Variants in IQCM observed in about 807,000 individuals in gnomAD.
IQCM encodes IQ domain-containing protein M.
Under a neutral mutation model 57.6 loss-of-function variants are expected in IQCM, and 45 were observed. The observed-to-expected ratio is 0.78, with a 90% CI of 0.62 to 1.00. The LOEUF is 1.00. Ranked by LOEUF, IQCM falls within the 50% of genes least tolerant of loss-of-function variation. The pLI is 0.00. For missense variants in IQCM, 468 were observed against 511.6 expected (o/e 0.91, Z 0.82); for synonymous variants, 148 against 158.9 (o/e 0.93, Z 0.51).
intron 9 of IQCM, among the ~76,000 whole-genome samples, chr4:149,581,591 C>T (rs1019711859): frequency 4.6e-5 from 7 of 151,296 alleles, no homozygotes; most frequent in East Asian, 2.0e-4. Context: ...TTTCAGAACT[C>T]GAATCAGTAT....
intron 5 of IQCM, among the ~76,000 whole-genome samples, chr4:149,698,720 T>A (rs1484845247): frequency 1.3e-5 from 2 of 152,086 alleles, no homozygotes; most frequent in South Asian, 2.1e-4. Context: ...TTTCAGGAAT[T>A]TAAATATTAT....
At chr4:149,390,296 T>G (rs1210584789) in intron 13 of IQCM, among the ~76,000 whole-genome samples, 3 of 152,054 alleles carry the variant, frequency 2.0e-5, no homozygotes, top group Non-Finnish European at 4.4e-5. Flanking sequence ...TGGATTTGTA[T>G]ATTAATTTAC....
chr4:149,698,123 C>T (rs1294902784), intron 5 of IQCM, among the ~76,000 whole-genome samples: 3 of 151,752 alleles, frequency 2.0e-5, no homozygotes, highest in African/African-American at 4.8e-5. Context: ...TTTTTTCCTA[C>T]TCTACCTTCA....
intron 9 of IQCM, among the ~76,000 whole-genome samples, chr4:149,572,907 T>C (rs1360281759): frequency 6.6e-6 from 1 of 151,952 alleles, no homozygotes; most frequent in Non-Finnish European, 1.5e-5. Context: ...AATTGCGTAA[T>C]CTACTTGGAA....
intron 2 of IQCM, among the ~76,000 whole-genome samples, chr4:149,788,809 C>T (rs942466896): frequency 6.6e-6 from 1 of 152,170 alleles, no homozygotes. Flanking sequence ...GAATACTATT[C>T]ACCTTAGAAA....
chr4:149,598,234 A>G (rs1228316401), intron 8 of IQCM, among the ~76,000 whole-genome samples: 1 of 152,186 alleles, frequency 6.6e-6, no homozygotes. Context: ...ACTTTAACAA[A>G]CAACGACACA....
intron 12 of IQCM, among the ~76,000 whole-genome samples, chr4:149,447,147 G>C (rs550329692): frequency 6.6e-6 from 1 of 151,614 alleles, no homozygotes; most frequent in African/African-American, 2.4e-5. Context: ...AAATAATATA[G>C]TAGATGGAAG....
chr4:149,518,753 A>G (rs1745262397), intron 12 of IQCM, among the ~76,000 whole-genome samples: 1 of 152,224 alleles, frequency 6.6e-6, no homozygotes, highest in Admixed American at 6.5e-5. Flanking sequence ...AAAGGTGAAA[A>G]GAGAGTTCAG....
chr4:149,758,056 T>A (rs1769154689), intron 2 of IQCM, among the ~76,000 whole-genome samples: 1 of 152,142 alleles, frequency 6.6e-6, no homozygotes, highest in Non-Finnish European at 1.5e-5. Flanking sequence ...AATGTGGTAT[T>A]GGTAAAAGAA....
Position 149,730,137 on chromosome 4 carries a change from C to G in IQCM, c.385+3107G>C, listed in dbSNP as rs553440755. The stretch of plus-strand genomic sequence containing the variant: ...ATCTCCAACCTTCTAATTTGCTATA[C>G]CTGGCTTCATGCTGCCACTTAGTGT... On this transcript the variant is annotated intron_variant, in intron 5 of 13. Coordinates refer to ENST00000636793, the MANE Select transcript of IQCM (RefSeq NM_001363507.2). Among the ~76,000 whole-genome samples, 56 of 152,288 alleles carry G rather than the reference C, an allele frequency of 3.7e-4. 1 individual carries two copies. In the South Asian group the frequency reaches 8.3e-3, roughly 23 times the overall value.
At chr4:149,489,275 A>G (rs999156938) in intron 12 of IQCM, among the ~76,000 whole-genome samples, 1 of 152,098 alleles carries the variant, frequency 6.6e-6, no homozygotes, top group Non-Finnish European at 1.5e-5. Context: ...TGTCCAGCAT[A>G]GTCTTCTCAG....
intron 7 of IQCM, among the ~76,000 whole-genome samples, chr4:149,665,863 T>A (rs1010674273): frequency 2.8e-4 from 42 of 152,070 alleles, no homozygotes; most frequent in African/African-American, 9.2e-4. Context: ...ACTGGCTAAG[T>A]CTTCCGGCCA....
intron 8 of IQCM, among the ~76,000 whole-genome samples, chr4:149,616,524 C>A (rs181113969): frequency 1.3e-5 from 2 of 152,030 alleles, no homozygotes; most frequent in Admixed American, 1.3e-4. Flanking sequence ...GATGGTTACA[C>A]ACAATGTGAT....
chr4:149,679,835 G>A (rs1348475887), intron 7 of IQCM, among the ~76,000 whole-genome samples: 2 of 151,346 alleles, frequency 1.3e-5, no homozygotes, highest in Admixed American at 1.3e-4. Context: ...TAATAATGAT[G>A]TGGAGAATAA....
chr4:149,742,472 A>G (rs1334977960), intron 3 of IQCM, among the ~76,000 whole-genome samples, 183 bp downstream of exon 3: 1 of 152,302 alleles, frequency 6.6e-6, no homozygotes, highest in East Asian at 1.9e-4. Context: ...CATATGGGAC[A>G]GCACAATAAG....
intron 5 of IQCM, among the ~76,000 whole-genome samples, chr4:149,708,182 G>T (rs1396491718): frequency 2.0e-5 from 3 of 152,006 alleles, no homozygotes; most frequent in African/African-American, 7.2e-5. Flanking sequence ...AGGTTCTTCT[G>T]ATCCTGAGCT....
intron 13 of IQCM, among the ~76,000 whole-genome samples, chr4:149,359,295 C>T (rs1038353443): frequency 6.6e-6 from 1 of 152,062 alleles, no homozygotes; most frequent in Admixed American, 6.5e-5. Flanking sequence ...AAAGCAGTAC[C>T]TATAATACCG....
chr4:149,470,859 T>C (rs545417307), intron 12 of IQCM, among the ~76,000 whole-genome samples: 34 of 152,324 alleles, frequency 2.2e-4, no homozygotes, highest in Non-Finnish European at 3.8e-4. Context: ...AACTTACTCC[T>C]GAATGACTAC....
At position 149,798,964 on chromosome 4, in the gene IQCM, G is replaced by A. The variant is rs994859171; in HGVS notation, c.-49+16347C>T. Reference sequence around the variant, plus strand: ...AAAAAGGAAACATTGGACTTAATTTGCACTATACACCAATTGGATCTAATA... The same window carrying A: ...AAAAAGGAAACATTGGACTTAATTTACACTATACACCAATTGGATCTAATA... On this transcript the variant is annotated intron_variant, in intron 2 of 13. Coordinates refer to ENST00000636793, the MANE Select transcript of IQCM (RefSeq NM_001363507.2). Among the ~76,000 whole-genome samples the A allele has an allele frequency of 1.1e-4, 16 of 151,484 alleles. No homozygotes were observed. The South Asian group carries it at 1.2e-3, about 12-fold the overall frequency.
Sources: allele counts gnomAD v4.1 joint callset (sites outside exome capture counted in the v4.1 genomes callset), GRCh38; gene constraint gnomAD v4.1.1; transcripts MANE v1.5; gene names NCBI Gene and HGNC (gene_info 2026-07-23, HGNC 2026-07-21).